MLC1: variants seen among roughly 807,000 people sequenced by gnomAD.
The protein encoded by MLC1 is modulator of VRAC current 1.
In MLC1, 32 loss-of-function variants were observed where a neutral mutation model predicts 44.7. That is an observed-to-expected ratio of 0.72 (90% confidence interval 0.54 to 0.96). The LOEUF is 0.96. Ranked by LOEUF, MLC1 falls within the 40% of genes least tolerant of loss-of-function variation. MLC1 has a pLI of 0.00. For synonymous variants in MLC1, 190 were observed against 213.0 expected (o/e 0.89, Z 0.94); for missense variants, 459 against 492.2 (o/e 0.93, Z 0.64).
rs557320394 is a variant in MLC1, at chr22:50,083,303, G to C, written c.178-130C>G. The C allele has an allele frequency of 7.6e-4, 625 of 823,824 alleles. 3 individuals are homozygous for C. In the African/African-American group the frequency reaches 9.5e-3, roughly 13 times the overall value. 51.0% of individuals were successfully genotyped at this position (823,824 alleles called of 1,614,324 possible). ...ACGTCCCCCAGCATCAACCACACCC[G>C]CACCTGGGACCCGCCCATCCTGGAC... On this transcript the variant is annotated intron_variant, in intron 2 of 11. Coordinates refer to ENST00000311597, the MANE Select transcript of MLC1 (RefSeq NM_015166.4). The surrounding 1 kb of genome is among the most constrained non-coding windows in gnomAD (Gnocchi z 4.6).
intron 5 of MLC1, among the ~76,000 whole-genome samples, chr22:50,078,406 A>G (rs1324892793): frequency 6.6e-6 from 1 of 152,248 alleles, no homozygotes; most frequent in Non-Finnish European, 1.5e-5. Context: ...TAGATATATC[A>G]GTAGAGGTGG....
intron 6 of MLC1, among the ~76,000 whole-genome samples, 181 bp downstream of exon 6, chr22:50,077,220 C>T (rs1252365361): frequency 6.6e-6 from 1 of 152,206 alleles, no homozygotes; most frequent in Non-Finnish European, 1.5e-5. Context: ...CCGCCAACCC[C>T]TCACCCAGCT....
At chr22:50,082,961 G>C (rs552567992) in intron 3 of MLC1, 123 bp downstream of exon 3, 3 of 994,778 alleles carry the variant, frequency 3.0e-6, no homozygotes, top group Non-Finnish European at 4.7e-6. Context: ...CACTGTGCCC[G>C]GCCCATATGA....
At chr22:50,085,775 C>T (rs2062264200), upstream of MLC1, 1 of 152,422 alleles carries the variant, frequency 6.6e-6, no homozygotes. Flanking sequence ...TGGGAACCTC[C>T]TTCACACGGT....
Position 50,064,044 on chromosome 22 carries a change from A to ACCCCACAGGCCACTCACCTCCCCGGCCC in MLC1, c.1048_1049insGGGCCGGGGAGGTGAGTGGCCTGTGGGG (p.Leu350ArgfsTer61). The stretch of plus-strand genomic sequence containing the variant: ...CTGCAGGCCACTCACCTCCCCAGCC[A>ACCCCACAGGCCACTCACCTCCCCGGCCC]GGCGCTCCTGCGGGCCGTTCTGGGT... On this transcript the variant is annotated frameshift_variant, in exon 11 of 12. Coordinates refer to ENST00000311597, the MANE Select transcript of MLC1 (RefSeq NM_015166.4). LOFTEE classifies it high-confidence loss of function. 1 of 1,555,766 alleles carries ACCCCACAGGCCACTCACCTCCCCGGCCC rather than the reference A, an allele frequency of 6.4e-7. No individual in the cohort carries two copies. The highest frequency in any genetic ancestry group is 1.5e-5 in the African/African-American group (1 of 68,744).
rs1253474422 is a variant in MLC1, at chr22:50,061,212, G to A, written c.*371C>T. 5.5e-6 allele frequency: 2 copies of A among 363,318 alleles called. No individual in the cohort carries two copies. Among genetic ancestry groups the A allele is most frequent in the Non-Finnish European group, 1.1e-5 (2 of 188,968 alleles). 22.5% of individuals were successfully genotyped at this position (363,318 alleles called of 1,614,324 possible). A position where few individuals can be genotyped will look rare whatever the true frequency, so the allele number is the denominator to read the frequency against. On this transcript the variant is annotated 3_prime_UTR_variant, in exon 12 of 12. Coordinates refer to ENST00000311597, the MANE Select transcript of MLC1 (RefSeq NM_015166.4). ...ACGCAGGGACCCACAGTCTGGTCAG[G>A]TCCAGAGAGCCCACTCCAGCCCAAG...
chr22:50,070,927 A>G (rs1425916527), intron 8 of MLC1, among the ~76,000 whole-genome samples: 1 of 152,136 alleles, frequency 6.6e-6, no homozygotes, highest in Non-Finnish European at 1.5e-5. Flanking sequence ...CAGCTCTCCC[A>G]GATAGCCTGA....
chr22:50,082,322 G>A (rs532609238), intron 3 of MLC1, among the ~76,000 whole-genome samples: 2 of 152,382 alleles, frequency 1.3e-5, no homozygotes, highest in South Asian at 2.1e-4. Context: ...CTAGCTGCCG[G>A]GACGCTGGGG....
intron 3 of MLC1, 141 bp downstream of exon 3, chr22:50,082,943 C>A: frequency 2.3e-6 from 2 of 858,282 alleles, no homozygotes; most frequent in Non-Finnish European, 3.8e-6. Flanking sequence ...GGCATGACAG[C>A]CATGAGCCAC....
intron 11 of MLC1, among the ~76,000 whole-genome samples, chr22:50,063,284 C>T (rs886232183): frequency 6.6e-6 from 1 of 151,972 alleles, no homozygotes; most frequent in Non-Finnish European, 1.5e-5. Context: ...ACCAGTCTAA[C>T]CAACATAGTG....
chr22:50,061,935 G>A (rs902577111), intron 11 of MLC1, among the ~76,000 whole-genome samples: 2 of 152,244 alleles, frequency 1.3e-5, no homozygotes, highest in Admixed American at 6.5e-5. Flanking sequence ...CCTGGCTCTG[G>A]GGCGGGGAGC....
At chr22:50,081,037 G>GAAAGAAAGAAAGAAAGAAAGA (rs1555968046) in intron 3 of MLC1, among the ~76,000 whole-genome samples, 8 of 126,862 alleles carry the variant, frequency 6.3e-5, no homozygotes, top group Non-Finnish European at 8.9e-5. Context: ...AAGAAAGAAA[G>GAAAGAAAGAAAGAAAGAAAGA]AAAGAAAGAA....
intron 11 of MLC1, among the ~76,000 whole-genome samples, chr22:50,063,607 C>T (rs1251932444): frequency 6.6e-6 from 1 of 151,926 alleles, no homozygotes; most frequent in East Asian, 1.9e-4. Flanking sequence ...CTCACCAGGA[C>T]AGGAGCCCCC....
intron 9 of MLC1, 39 bp downstream of exon 9, chr22:50,070,488 G>A (rs1009051694): frequency 9.1e-6 from 14 of 1,542,948 alleles, no homozygotes; most frequent in Admixed American, 2.0e-5. Context: ...GGCCCCGCTC[G>A]GTGGGTCCCT....
chr22:50,079,943 A>G lies in MLC1; in HGVS notation c.398T>C (p.Leu133Pro). Reference sequence around the variant, plus strand: ...GTTTATTGCTGATGGGTTCAGGACTAGTTTGCATCCAAACCAAATTAAACA... The same window carrying G: ...GTTTATTGCTGATGGGTTCAGGACTGGTTTGCATCCAAACCAAATTAAACA... ...TTCLIWFGCK[L>P]VLNPSAININ... Residue 133 changes from leucine to proline, a missense_variant, in exon 5 of 12, where the codon CTA becomes CCA. Physicochemically the swap from Leu to Pro is moderately conservative, Grantham distance 98. Transcript: ENST00000311597. The G allele has an allele frequency of 5.0e-6, 8 of 1,613,796 alleles. No individual in the cohort carries two copies. Among genetic ancestry groups the G allele is most frequent in the Non-Finnish European group, 6.8e-6 (8 of 1,179,636 alleles).
intron 4 of MLC1, 130 bp downstream of exon 4, chr22:50,080,214 G>A: frequency 1.6e-6 from 2 of 1,261,660 alleles, no homozygotes; most frequent in Non-Finnish European, 2.2e-6. Flanking sequence ...TGTCTGGGGG[G>A]CAACCTCGGG....
chr22:50,081,058 A>AAAGAAAGAAAGAAAGAAAGG (rs57892256), intron 3 of MLC1, among the ~76,000 whole-genome samples: 2 of 151,498 alleles, frequency 1.3e-5, no homozygotes, highest in African/African-American at 4.9e-5. Context: ...AGAAAGAAAG[A>AAAGAAAGAAAGAAAGAAAGG]GGAGGTCTGG....
intron 10 of MLC1, among the ~76,000 whole-genome samples, chr22:50,065,667 G>A (rs1019513805): frequency 3.3e-5 from 5 of 152,300 alleles, no homozygotes; most frequent in African/African-American, 4.8e-5. Context: ...CCGTGTCACC[G>A]AACTCCAGCG....
intron 3 of MLC1, among the ~76,000 whole-genome samples, chr22:50,081,943 G>A (rs2062152898): frequency 6.6e-6 from 1 of 152,268 alleles, no homozygotes; most frequent in African/African-American, 2.4e-5. Context: ...AGAGAGGGCA[G>A]CAGAGTGGGA....
Sources: allele counts gnomAD v4.1 joint callset (sites outside exome capture counted in the v4.1 genomes callset), GRCh38; gene constraint gnomAD v4.1.1; non-coding constraint Gnocchi (gnomAD v3.1); transcripts MANE v1.5; gene names NCBI Gene and HGNC (gene_info 2026-07-23, HGNC 2026-07-21).